The following AMOTL1 variants were observed in gnomAD, a reference collection of about 807,000 sequenced individuals.
AMOTL1 encodes the protein angiomotin like 1, also known as angiomotin-like protein 1.
Under a neutral mutation model 102.9 loss-of-function variants are expected in AMOTL1, and 45 were observed. That is an observed-to-expected ratio of 0.44 (90% CI 0.34 to 0.56). AMOTL1 has a LOEUF of 0.56. Among genes scored for constraint, AMOTL1 ranks in the 20% least tolerant of loss-of-function variants. The pLI is 0.01. For missense variants in AMOTL1, 1,114 were observed against 1,225.6 expected (o/e 0.91, Z 1.36); for synonymous variants, 481 against 484.7 (o/e 0.99, Z 0.10).
intron 3 of AMOTL1, among the ~76,000 whole-genome samples, chr11:94,744,942 T>A (rs1436433943): frequency 1.3e-5 from 2 of 152,230 alleles, no homozygotes; most frequent in African/African-American, 4.8e-5. Context: ...TATGGTTTTT[T>A]AAATTTTTAA....
intron 4 of AMOTL1, among the ~76,000 whole-genome samples, chr11:94,825,900 C>T (rs1289840594): frequency 6.6e-6 from 1 of 152,228 alleles, no homozygotes; most frequent in Non-Finnish European, 1.5e-5. Context: ...TCATCTTTTA[C>T]TTGAATGCTT....
At chr11:94,844,909 C>T (rs1952376981) in intron 6 of AMOTL1, among the ~76,000 whole-genome samples, 1 of 152,192 alleles carries the variant, frequency 6.6e-6, no homozygotes, top group South Asian at 2.1e-4. Flanking sequence ...CTCTATCTCT[C>T]CAGCTACATG....
chr11:94,800,308 CGAG>C lies in AMOTL1; in HGVS notation c.1120_1121+1del. On this transcript the variant is annotated inframe_deletion and splice_region_variant, in exon 3 of 13. Coordinates refer to ENST00000433060, the MANE Select transcript of AMOTL1 (RefSeq NM_130847.3). ...CAGCCACCCCCTGAGTATGGGGTAACGAGGTGATTATCAACTGCAGACGTTTCG... is the reference window on the plus strand; with the variant it reads ...CAGCCACCCCCTGAGTATGGGGTAACGTGATTATCAACTGCAGACGTTTCG... The C allele has an allele frequency of 6.3e-7, 1 of 1,587,470 alleles. No homozygotes were observed. Among genetic ancestry groups the C allele is most frequent in the Non-Finnish European group, 8.6e-7 (1 of 1,168,532 alleles).
intron 7 of AMOTL1, among the ~76,000 whole-genome samples, chr11:94,853,111 C>CT (rs1467799494): frequency 1.3e-5 from 2 of 151,814 alleles, no homozygotes; most frequent in African/African-American, 2.4e-5. Flanking sequence ...GTCAAAAACT[C>CT]TTTTTTTAAT....
At chr11:94,772,414 C>T (rs374447618) in intron 1 of AMOTL1, among the ~76,000 whole-genome samples, 85 of 152,292 alleles carry the variant, frequency 5.6e-4, no homozygotes, top group African/African-American at 1.9e-3. Flanking sequence ...AACCACTACT[C>T]CTGTTCACCA....
chr11:94,746,677 T>C (rs1463888131), intron 3 of AMOTL1, among the ~76,000 whole-genome samples: 2 of 152,164 alleles, frequency 1.3e-5, no homozygotes, highest in Non-Finnish European at 2.9e-5. Context: ...AGGAGGAGCT[T>C]TTATAAGTCC....
rs1184506372 is a variant in AMOTL1 at position 94,854,054 on chromosome 11, G to A, written c.1916G>A (p.Arg639Lys). Reference protein sequence around the residue: ...MERRLRTWLERELDALRTQQK... With the variant: ...MERRLRTWLEKELDALRTQQK... ...CGGAGACTGCGGACTTGGCTGGAGA[G>A]AGAGCTGGATGCACTGAGAACCCAG... The change falls in exon 8 of 13, where the codon AGA becomes AAA. Residue 639 changes from arginine (R) to lysine (K), a missense_variant. Coordinates refer to ENST00000433060, the MANE Select transcript of AMOTL1 (RefSeq NM_130847.3). 8 of 1,554,888 alleles carry A rather than the reference G, an allele frequency of 5.1e-6. No individual in the cohort carries two copies. The highest frequency in any genetic ancestry group is 1.4e-5 in the African/African-American group (1 of 73,470).
rs369635219 is a variant in AMOTL1 at position 94,800,120 on chromosome 11, A to T, written c.930A>T (p.Pro310=). The part of the protein sequence containing the change: ...AGKVLDPRGP[P]PEYPFKTKQM... The stretch of plus-strand genomic sequence containing the variant: ...AAGTGCTGGACCCTCGGGGTCCTCC[A>T]CCTGAGTACCCCTTCAAGACCAAGC... The change falls in exon 3 of 13, where the codon CCA becomes CCT. Residue 310 remains proline, a synonymous_variant. Coordinates refer to ENST00000433060, the MANE Select transcript of AMOTL1 (RefSeq NM_130847.3). 1,448 of 1,613,790 alleles carry T rather than the reference A, an allele frequency of 9.0e-4. 2 individuals carry two copies. Among genetic ancestry groups the T allele is most frequent in the Non-Finnish European group, 1.2e-3 (1,371 of 1,179,860 alleles).
At chr11:94,749,410 C>G (rs1303425715) in intron 3 of AMOTL1, among the ~76,000 whole-genome samples, 1 of 152,198 alleles carries the variant, frequency 6.6e-6, no homozygotes, top group African/African-American at 2.4e-5. Context: ...GAAGGCAGAT[C>G]TTCCCCACTC....
At chr11:94,756,845 A>C (rs970970247) in intron 3 of AMOTL1, among the ~76,000 whole-genome samples, 1 of 152,160 alleles carries the variant, frequency 6.6e-6, no homozygotes, top group Non-Finnish European at 1.5e-5. Context: ...ACATCACCTC[A>C]CATATAACTT....
At chr11:94,754,209 G>C (rs1179836225) in intron 3 of AMOTL1, among the ~76,000 whole-genome samples, 1 of 152,200 alleles carries the variant, frequency 6.6e-6, no homozygotes, top group Non-Finnish European at 1.5e-5. Flanking sequence ...TGGGACCCCA[G>C]AGAAGAGGAA....
chr11:94,842,527 A>G (rs958745522), intron 6 of AMOTL1, among the ~76,000 whole-genome samples: 3 of 152,212 alleles, frequency 2.0e-5, no homozygotes, highest in African/African-American at 7.2e-5. Flanking sequence ...GGACATTCCT[A>G]TTCTTTTACA....
At chr11:94,806,014 T>TA (rs976349110) in intron 3 of AMOTL1, among the ~76,000 whole-genome samples, 3 of 152,252 alleles carry the variant, frequency 2.0e-5, no homozygotes, top group East Asian at 1.9e-4. Flanking sequence ...TATTTTCCTT[T>TA]AAAAAAATGC....
chr11:94,853,435 T>C (rs1312840762), intron 7 of AMOTL1, among the ~76,000 whole-genome samples: 1 of 152,224 alleles, frequency 6.6e-6, no homozygotes, highest in African/African-American at 2.4e-5. Flanking sequence ...TTGCTGAGAA[T>C]GATGGCTTCC....
intron 8 of AMOTL1, among the ~76,000 whole-genome samples, chr11:94,855,708 A>G (rs961578847): frequency 8.5e-5 from 13 of 152,216 alleles, no homozygotes; most frequent in African/African-American, 3.1e-4. Context: ...GTTTATCAAG[A>G]AGAAATAAAA....
chr11:94,735,658 A>G (rs566061986), intron 2 of AMOTL1, among the ~76,000 whole-genome samples: 10 of 152,304 alleles, frequency 6.6e-5, no homozygotes, highest in Admixed American at 1.3e-4. Flanking sequence ...CCATAATAAT[A>G]ATATCCAACT....
chr11:94,752,656 A>G (rs561253864), intron 3 of AMOTL1, among the ~76,000 whole-genome samples: 103 of 152,372 alleles, frequency 6.8e-4, no homozygotes, highest in African/African-American at 2.4e-3. Flanking sequence ...GGTAAGACTT[A>G]TTAACCTTTT....
At chr11:94,818,616 TTA>T (rs1209006288) in intron 3 of AMOTL1, among the ~76,000 whole-genome samples, 1 of 152,130 alleles carries the variant, frequency 6.6e-6, no homozygotes, top group East Asian at 1.9e-4. Flanking sequence ...GAGAGAAAAA[TTA>T]TGTTTCAAAA....
rs926247705 is a variant in AMOTL1, at chr11:94,828,317, C to G, written c.1414-1733C>G. The stretch of plus-strand genomic sequence containing the variant: ...AATTTGCCCTTTTAGTGTCATAGTT[C>G]AGGCCCTTGTCATCTGTCATTGAGC... On this transcript the variant is annotated intron_variant, in intron 4 of 12. Coordinates refer to ENST00000433060, the MANE Select transcript of AMOTL1 (RefSeq NM_130847.3). 2.6e-5 allele frequency among the ~76,000 whole-genome samples: 4 copies of G among 152,318 alleles called. No homozygotes were observed. In the East Asian group the frequency reaches 7.7e-4, roughly 29 times the overall value.
Sources: gnomAD v4.1 joint callset for allele counts (sites outside exome capture counted in the v4.1 genomes callset) on GRCh38, gnomAD v4.1.1 for gene constraint, MANE v1.5 for transcripts, NCBI Gene and HGNC (gene_info 2026-07-23, HGNC 2026-07-21) for gene names.